Variants in ITPRIP observed in about 807,000 individuals in gnomAD.
ITPRIP encodes the protein inositol 1,4,5-trisphosphate receptor-interacting protein.
In ITPRIP, 32 loss-of-function variants were observed where a neutral mutation model predicts 35.8. The ratio of observed to expected loss-of-function variants is 0.89; its 90% CI spans 0.68 to 1.20. The LOEUF (loss-of-function observed/expected upper bound fraction) is 1.20, where lower values mean the gene tolerates loss of function less well. ITPRIP is among the 50% of genes most tolerant of loss of function. The pLI is 0.00. For synonymous variants in ITPRIP, 358 were observed against 324.0 expected, an observed-to-expected ratio of 1.11 and a Z score of -1.13; for missense variants, 653 against 735.6, an observed-to-expected ratio of 0.89 and a Z score of 1.30.
In ITPRIP at chr10:104,328,986, GCTGGGGA is replaced by G; in HGVS notation, c.-14+9253_-14+9259del. ...GACACAAAGCCTGGGCCCCAGCTGG[GCTGGGGA>G]GAGCGGGGAGGGGAGAGGAAGAGAA... On this transcript the variant is annotated intron_variant, in intron 1 of 1. Transcript: ENST00000337478. This position sits in a 1 kb window ranked among gnomAD's most constrained non-coding sequence, Gnocchi z 4.1. 1 of 152,628 alleles carries G rather than the reference GCTGGGGA, an allele frequency of 6.6e-6. No individual in the cohort carries two copies. The highest frequency in any genetic ancestry group is 2.4e-5 in the African/African-American group (1 of 41,506). The allele number at this position is 152,628 out of a possible 1,614,324, so 9.5% of individuals were successfully genotyped here. A position where few individuals can be genotyped will look rare whatever the true frequency, so the allele number is the denominator to read the frequency against.
In ITPRIP at chr10:104,328,509, C is replaced by T. The variant is rs144816456; in HGVS notation, c.-14+9737G>A. ...AGGGAGGGGAGGCTGCACGCTTAGA[C>T]GCAGGCTCTGCACAATAGCAGACAC... On this transcript the variant is annotated intron_variant, in intron 1 of 1. Transcript: ENST00000337478. This position sits in a 1 kb window ranked among gnomAD's most constrained non-coding sequence, Gnocchi z 4.1. Among the ~76,000 whole-genome samples, 753 of 152,186 alleles carry T rather than the reference C, an allele frequency of 4.9e-3. 9 individuals carry two copies. The highest frequency in any genetic ancestry group is 0.017 in the African/African-American group (707 of 41,524).
In ITPRIP at chr10:104,314,383, A is replaced by G; in HGVS notation, c.*25T>C. ...TGAGGGATGCCCTCATCTTAGCTCGAGGATCCCACATTCTGTAAAAGACGT... is the reference window on the plus strand; with the variant it reads ...TGAGGGATGCCCTCATCTTAGCTCGGGGATCCCACATTCTGTAAAAGACGT... On this transcript the variant is annotated 3_prime_UTR_variant, in exon 2 of 2. Coordinates refer to ENST00000337478, the MANE Select transcript of ITPRIP (RefSeq NM_001272013.2). 1 of 1,584,978 alleles carries G rather than the reference A, an allele frequency of 6.3e-7. No individual in the cohort carries two copies. The highest frequency in any genetic ancestry group is 1.1e-5 in the South Asian group (1 of 87,430).
intron 1 of ITPRIP, among the ~76,000 whole-genome samples, chr10:104,318,257 T>G (rs1348888700): frequency 6.6e-6 from 1 of 152,142 alleles, no homozygotes; most frequent in Non-Finnish European, 1.5e-5. Flanking sequence ...GTCCAAGGCA[T>G]AACTAACTGC....
rs77951134 is a variant in ITPRIP at position 104,321,328 on chromosome 10, C to T, written c.-13-5264G>A. Among the ~76,000 whole-genome samples the T allele has an allele frequency of 6.8e-3, 1,039 of 152,272 alleles. 13 individuals carry two copies. The highest frequency in any genetic ancestry group is 8.4e-3 in the Non-Finnish European group (568 of 68,018). On this transcript the variant is annotated intron_variant, in intron 1 of 1. Transcript: ENST00000337478. ...CTCTGCCCTTGTCCACAGAGAGGGG[C>T]GGCCCATGCAGTTCACAGCTAAACT...
At position 104,315,132 on chromosome 10, in the gene ITPRIP, G is replaced by A. The variant is rs148248792; in HGVS notation, c.920C>T (p.Ala307Val). The change falls in exon 2 of 2, where the codon GCC becomes GTC. Residue 307 changes from alanine (A) to valine (V), a missense_variant. Transcript: ENST00000337478. This position sits in a 1 kb window ranked among gnomAD's most constrained non-coding sequence, Gnocchi z 5.7. Reference protein sequence around the residue: ...TMQVMKWFQTALTRAWKGIAH... With the variant: ...TMQVMKWFQTVLTRAWKGIAH... ...GATGCCCTTCCAGGCTCTGGTGAGG[G>A]CCGTCTGGAACCACTTCATGACCTG... 1 of 1,614,096 alleles carries A rather than the reference G, an allele frequency of 6.2e-7. No homozygotes were observed. Among genetic ancestry groups the A allele is most frequent in the Non-Finnish European group, 8.5e-7 (1 of 1,179,948 alleles).
chr10:104,314,945 G>C lies in ITPRIP; in HGVS notation c.1107C>G (p.Pro369=). ...TGCTGGAGGCTGGGGTGCCCTCAGA[G>C]GGCTCCCTGGGAAGGTGGGAGACAA... is the stretch of plus-strand genomic sequence containing the variant. ...LYFVSHLPRE[P]SEGTPASSTD... The change falls in exon 2 of 2, where the codon CCC becomes CCG. Residue 369 remains proline, a synonymous_variant. Coordinates refer to ENST00000337478, the MANE Select transcript of ITPRIP (RefSeq NM_001272013.2). The C allele has an allele frequency of 6.2e-7, 1 of 1,613,642 alleles. No individual in the cohort carries two copies. Among genetic ancestry groups the C allele is most frequent in the Admixed American group, 1.7e-5 (1 of 60,026 alleles).
chr10:104,324,616 G>A (rs1006829474), intron 1 of ITPRIP, among the ~76,000 whole-genome samples: 1 of 152,128 alleles, frequency 6.6e-6, no homozygotes, highest in East Asian at 1.9e-4. Flanking sequence ...CCACCCTGTG[G>A]CCACTGGGCT....
rs751262291 is a variant in ITPRIP at position 104,314,955 on chromosome 10, G to T, written c.1097C>A (p.Pro366His). ...TGGGGTGCCCTCAGAGGGCTCCCTG[G>T]GAAGGTGGGAGACAAAGTACAGGTC... ...DSDLYFVSHL[P>H]REPSEGTPAS... is the part of the protein sequence containing the mutation. Residue 366 changes from proline to histidine, a missense_variant, in exon 2 of 2, where the codon CCC becomes CAC. By Grantham distance (77) the Pro-to-His change is moderately conservative. Coordinates refer to ENST00000337478, the MANE Select transcript of ITPRIP (RefSeq NM_001272013.2). 1 of 1,613,718 alleles carries T rather than the reference G, an allele frequency of 6.2e-7. No homozygotes were observed. Among genetic ancestry groups the T allele is most frequent in the South Asian group, 1.1e-5 (1 of 91,078 alleles).
Position 104,333,380 on chromosome 10 carries a change from G to GT in ITPRIP, c.-14+4865dup, listed in dbSNP as rs1156451153. On this transcript the variant is annotated intron_variant, in intron 1 of 1. Transcript: ENST00000337478. The surrounding 1 kb of genome is among the most constrained non-coding windows in gnomAD (Gnocchi z 4.1). ...TCTATGTCCCTTCCCTTCAACATGC[G>GT]TCTCACACTTGAGGCCGATTTTTCA... The GT allele has an allele frequency of 6.6e-6, 1 of 152,252 alleles. No individual in the cohort carries two copies. Among genetic ancestry groups the GT allele is most frequent in the Non-Finnish European group, 1.5e-5 (1 of 68,108 alleles). 9.4% of individuals were successfully genotyped at this position (152,252 alleles called of 1,614,324 possible). A position where few individuals can be genotyped will look rare whatever the true frequency, so the allele number is the denominator to read the frequency against.
At chr10:104,336,981 T>A (rs925517111) in intron 1 of ITPRIP, among the ~76,000 whole-genome samples, 1 of 152,172 alleles carries the variant, frequency 6.6e-6, no homozygotes, top group East Asian at 1.9e-4. Flanking sequence ...AACTACTTCA[T>A]GGTTACCCAC....
chr10:104,316,401 C>T (rs1039086725), intron 1 of ITPRIP, among the ~76,000 whole-genome samples: 3 of 152,106 alleles, frequency 2.0e-5, no homozygotes, highest in African/African-American at 7.2e-5. Context: ...AAACCCAGGC[C>T]CAAGACAATC....
chr10:104,318,755 G>A (rs962847880), intron 1 of ITPRIP, among the ~76,000 whole-genome samples: 4 of 152,196 alleles, frequency 2.6e-5, no homozygotes, highest in Non-Finnish European at 5.9e-5. Context: ...CCTACTGGAG[G>A]TGACTTCGGA....
At position 104,310,401 on chromosome 10, in the gene ITPRIP, G is replaced by A. The variant is rs2013456907; in HGVS notation, c.*4007C>T. On this transcript the variant is annotated 3_prime_UTR_variant, in exon 2 of 2. Transcript: ENST00000337478. ...AATGGCCCACCTCTGCTTGTTGTGA[G>A]GTCCAAATTTACCTTGTATTAGCAT... 2 of 152,022 alleles carry A rather than the reference G, an allele frequency of 1.3e-5. No individual in the cohort carries two copies. Among genetic ancestry groups the A allele is most frequent in the African/African-American group, 4.8e-5 (2 of 41,374 alleles). The allele number at this position is 152,022 out of a possible 1,614,324, so 9.4% of individuals were successfully genotyped here. A position where few individuals can be genotyped will look rare whatever the true frequency, so the allele number is the denominator to read the frequency against.
Position 104,314,304 on chromosome 10 carries a change from A to G in ITPRIP, c.*104T>C. The G allele has an allele frequency of 6.6e-7, 1 of 1,512,938 alleles. No individual in the cohort carries two copies. The highest frequency in any genetic ancestry group is 8.8e-7 in the Non-Finnish European group (1 of 1,133,474). 93.7% of individuals were successfully genotyped at this position (1,512,938 alleles called of 1,614,324 possible). A position where few individuals can be genotyped will look rare whatever the true frequency, so the allele number is the denominator to read the frequency against. ...GGCAGGCTGAGCACGGCTCCCACGAAAGCCCGCCTTGTCCCCAGAACAGGG... is the reference window on the plus strand; with the variant it reads ...GGCAGGCTGAGCACGGCTCCCACGAGAGCCCGCCTTGTCCCCAGAACAGGG... On this transcript the variant is annotated 3_prime_UTR_variant, in exon 2 of 2. Transcript: ENST00000337478.
At chr10:104,324,434 C>T (rs1429103813) in intron 1 of ITPRIP, among the ~76,000 whole-genome samples, 1 of 152,052 alleles carries the variant, frequency 6.6e-6, no homozygotes, top group African/African-American at 2.4e-5. Context: ...AGGAAGAGGA[C>T]CAACAAAAAG....
chr10:104,320,176 T>C (rs2135187993), intron 1 of ITPRIP, among the ~76,000 whole-genome samples: 1 of 151,198 alleles, frequency 6.6e-6, no homozygotes, highest in African/African-American at 2.5e-5. Context: ...ATCTACATTC[T>C]GTACAGAATT....
In ITPRIP at chr10:104,328,937, C is replaced by G. The variant is rs961039750; in HGVS notation, c.-14+9309G>C. On this transcript the variant is annotated intron_variant, in intron 1 of 1. Coordinates refer to ENST00000337478, the MANE Select transcript of ITPRIP (RefSeq NM_001272013.2). This position sits in a 1 kb window ranked among gnomAD's most constrained non-coding sequence, Gnocchi z 4.1. ...TCCCAGACTGTTCTTCTACCCGAGT[C>G]CCCCTGCGGCTTAGGCGGTACCTGA... 1.3e-5 allele frequency: 2 copies of G among 152,154 alleles called. No individual in the cohort carries two copies. Among genetic ancestry groups the G allele is most frequent in the Admixed American group, 6.6e-5 (1 of 15,256 alleles). The allele number at this position is 152,154 out of a possible 1,614,324, so 9.4% of individuals were successfully genotyped here.
intron 1 of ITPRIP, among the ~76,000 whole-genome samples, chr10:104,332,248 T>C (rs2014164657): frequency 1.3e-5 from 2 of 152,210 alleles, no homozygotes; most frequent in South Asian, 4.1e-4. Context: ...GCCATTCTAC[T>C]TATATGAACA....
At chr10:104,322,392 T>TC (rs534589810) in intron 1 of ITPRIP, among the ~76,000 whole-genome samples, 49 of 152,350 alleles carry the variant, frequency 3.2e-4, no homozygotes, top group African/African-American at 1.2e-3. Context: ...CACCTGGTAT[T>TC]CCCTCTGGGA....
Sources: allele counts gnomAD v4.1 joint callset (sites outside exome capture counted in the v4.1 genomes callset), GRCh38; gene constraint gnomAD v4.1.1; non-coding constraint Gnocchi (gnomAD v3.1); transcripts MANE v1.5; gene names NCBI Gene and HGNC (gene_info 2026-07-23, HGNC 2026-07-21).